The following CREBL2 variants were observed in gnomAD, a reference collection of about 807,000 sequenced individuals.
The protein encoded by CREBL2 is cAMP responsive element binding protein like 2.
A neutral mutation model predicts 19.5 loss-of-function variants in CREBL2; 4 were observed. That is an observed-to-expected ratio of 0.20 (90% CI 0.10 to 0.47). The LOEUF is 0.47. Among genes scored for constraint, CREBL2 ranks in the 20% least tolerant of loss-of-function variants. CREBL2 has a pLI of 0.98. For synonymous variants in CREBL2, 42 were observed against 46.6 expected (o/e 0.90, Z 0.40); for missense variants, 85 against 145.1 (o/e 0.59, Z 2.13).
Position 12,619,528 on chromosome 12 carries a change from A to C in CREBL2, c.15+7341A>C, listed in dbSNP as rs563771310. Among the ~76,000 whole-genome samples, 42 of 152,282 alleles carry C rather than the reference A, an allele frequency of 2.8e-4. 2 individuals carry two copies. The South Asian group carries it at 8.1e-3, about 29-fold the overall frequency. On this transcript the variant is annotated intron_variant, in intron 1 of 3. Transcript: ENST00000228865. ...AGGGAGGCTGAGGCACAAGAATTGC[A>C]TAAGCCCAGGAGGTGGAGGTTGCTG...
At chr12:12,636,019 C>A in intron 2 of CREBL2, 45 bp downstream of exon 2, 2 of 1,516,940 alleles carry the variant, frequency 1.3e-6, no homozygotes, top group South Asian at 2.4e-5. Context: ...CCTTAACAGT[C>A]AAATAAATAA....
Position 12,612,124 on chromosome 12 carries a change from G to A in CREBL2, c.-49G>A. On this transcript the variant is annotated 5_prime_UTR_variant, in exon 1 of 4. Transcript: ENST00000228865. ...GGCCGGGCCAGGCCGGCTGAGCCGGGGGAGGGCTCCGGGAGGGAGTGCCTG... is the reference window on the plus strand; with the variant it reads ...GGCCGGGCCAGGCCGGCTGAGCCGGAGGAGGGCTCCGGGAGGGAGTGCCTG... 1 of 1,606,274 alleles carries A rather than the reference G, an allele frequency of 6.2e-7. No individual in the cohort carries two copies. The highest frequency in any genetic ancestry group is 8.5e-7 in the Non-Finnish European group (1 of 1,178,000).
intron 3 of CREBL2, 69 bp from the exon 4 acceptor site, chr12:12,641,925 C>A: frequency 8.3e-7 from 1 of 1,200,008 alleles, no homozygotes; most frequent in Non-Finnish European, 1.2e-6. Context: ...ATTTATGCAT[C>A]TTAAAACAGA....
At chr12:12,638,845 A>G (rs1263356723) in intron 3 of CREBL2, among the ~76,000 whole-genome samples, 1 of 152,190 alleles carries the variant, frequency 6.6e-6, no homozygotes, top group Admixed American at 6.6e-5. Context: ...AAATTCACAT[A>G]ACATAAAAAT....
intron 1 of CREBL2, among the ~76,000 whole-genome samples, chr12:12,634,562 T>C (rs1409216121): frequency 6.6e-6 from 1 of 152,216 alleles, no homozygotes; most frequent in Non-Finnish European, 1.5e-5. Flanking sequence ...TATTTTATTA[T>C]CTAATTTGAA....
chr12:12,640,385 A>G (rs145726948), intron 3 of CREBL2, among the ~76,000 whole-genome samples: 1,530 of 152,332 alleles, frequency 0.01, 21 homozygotes, highest in African/African-American at 0.035. Context: ...TCTCTGCAAG[A>G]AGAGAAATAT....
Position 12,611,884 on chromosome 12 carries a change from C to G in CREBL2, c.-289C>G. The G allele has an allele frequency of 2.0e-6, 1 of 505,584 alleles. No individual in the cohort carries two copies. The highest frequency in any genetic ancestry group is 3.5e-6 in the Non-Finnish European group (1 of 285,362). 31.3% of individuals were successfully genotyped at this position (505,584 alleles called of 1,614,324 possible). On this transcript the variant is annotated 5_prime_UTR_variant, in exon 1 of 4. Transcript: ENST00000228865. Reference sequence around the variant, plus strand: ...GCTCCCGCCCACCCTCCGGTCTCGGCGGCTCTCCAGAGCGTCTGTAAACAC... The same window carrying G: ...GCTCCCGCCCACCCTCCGGTCTCGGGGGCTCTCCAGAGCGTCTGTAAACAC...
intron 1 of CREBL2, chr12:12,615,784 A>C (rs1945307240): frequency 6.6e-6 from 1 of 152,308 alleles, no homozygotes; most frequent in African/African-American, 2.4e-5. Context: ...GAGCCACCGC[A>C]CCTGGCTACA....
At chr12:12,636,723 G>A (rs986635930) in intron 2 of CREBL2, among the ~76,000 whole-genome samples, 12 of 152,152 alleles carry the variant, frequency 7.9e-5, no homozygotes, top group African/African-American at 2.7e-4. Context: ...ACCCAGCCAA[G>A]TGATTTTGTT....
At chr12:12,636,042 C>T (rs545102932) in intron 2 of CREBL2, 68 bp downstream of exon 2, 19 of 1,382,908 alleles carry the variant, frequency 1.4e-5, no homozygotes, top group Middle Eastern at 2.5e-4. Flanking sequence ...CATTAAAATA[C>T]GAAAATACCA....
At chr12:12,634,574 A>G (rs375412308) in intron 1 of CREBL2, among the ~76,000 whole-genome samples, 15 of 152,326 alleles carry the variant, frequency 9.8e-5, no homozygotes, top group African/African-American at 3.4e-4. Context: ...TAATTTGAAA[A>G]TCATAAAAAT....
At chr12:12,634,189 G>A (rs1021421384) in intron 1 of CREBL2, among the ~76,000 whole-genome samples, 2 of 152,128 alleles carry the variant, frequency 1.3e-5, no homozygotes, top group Admixed American at 1.3e-4. Flanking sequence ...CCCTTTCAAG[G>A]TGACTGCATT....
chr12:12,618,462 C>A (rs1945332230), intron 1 of CREBL2, among the ~76,000 whole-genome samples: 1 of 151,680 alleles, frequency 6.6e-6, no homozygotes. Flanking sequence ...CTCCCCACAT[C>A]TCAGACGTTG....
rs762448549 is a variant in CREBL2 at position 12,641,995 on chromosome 12, G to T, written c.360G>T (p.Trp120Cys). 7 of 1,555,268 alleles carry T rather than the reference G, an allele frequency of 4.5e-6. No homozygotes were observed. The highest frequency in any genetic ancestry group is 1.1e-5 in the South Asian group (1 of 87,604). The stretch of plus-strand genomic sequence containing the variant: ...ACATTGGTAACTTTTATTTTTCAGG[G>T]TGAAGATTATATAAAGATGAGTCAG... ...AGKTDANSNS[W>C] The change falls in exon 4 of 4, where the codon TGG becomes TGT. Residue 120 changes from tryptophan to cysteine, a missense_variant and splice_region_variant. This residue lies in a region of CREBL2 where 42 missense variants were observed against 38.4 expected (regional missense o/e 1.09). Coordinates refer to ENST00000228865, the MANE Select transcript of CREBL2 (RefSeq NM_001310.4).
At chr12:12,625,423 C>T (rs10743995) in intron 1 of CREBL2, among the ~76,000 whole-genome samples, 144,388 of 152,280 alleles carry the variant, frequency 0.95, 68,469 homozygotes, top group Non-Finnish European at 0.96. Flanking sequence ...CTCCTCAGCA[C>T]ACCCCTTAAC....
Position 12,617,643 on chromosome 12 carries a change from C to CTTTTTTTTTTTTTT in CREBL2, c.15+5481_15+5494dup, listed in dbSNP as rs66943066. ...CCCTGAGATGCTCATTTTAGTAATTCTTTTTTTTTTTTTTTTTTTTTTTTT... is the reference window on the plus strand; with the variant it reads ...CCCTGAGATGCTCATTTTAGTAATTCTTTTTTTTTTTTTTTTTTTTTTTTTTTTTTTTTTTTTTT... On this transcript the variant is annotated intron_variant, in intron 1 of 3. Coordinates refer to ENST00000228865, the MANE Select transcript of CREBL2 (RefSeq NM_001310.4). 2.3e-4 allele frequency among the ~76,000 whole-genome samples: 9 copies of CTTTTTTTTTTTTTT among 38,770 alleles called. 1 individual carries two copies. Among genetic ancestry groups the CTTTTTTTTTTTTTT allele is most frequent in the Non-Finnish European group, 4.3e-4 (8 of 18,572 alleles). 25.4% of individuals were successfully genotyped at this position (38,770 alleles called of 152,430 possible). A position where few individuals can be genotyped will look rare whatever the true frequency, so the allele number is the denominator to read the frequency against.
intron 1 of CREBL2, among the ~76,000 whole-genome samples, chr12:12,617,643 C>CTTTT (rs66943066): frequency 1.0e-4 from 4 of 38,764 alleles, no homozygotes; most frequent in Non-Finnish European, 2.2e-4. Context: ...TTTAGTAATT[C>CTTTT]TTTTTTTTTT....
rs1945549209 is a variant in CREBL2 at position 12,644,417 on chromosome 12, G to A, written c.*2419G>A. ...TGACAAGATGGCTGACAGTCACGGAGTCCAGGAGAAGGTGCTGCTCTCCTT... is the reference window on the plus strand; with the variant it reads ...TGACAAGATGGCTGACAGTCACGGAATCCAGGAGAAGGTGCTGCTCTCCTT... On this transcript the variant is annotated 3_prime_UTR_variant, in exon 4 of 4. Coordinates refer to ENST00000228865, the MANE Select transcript of CREBL2 (RefSeq NM_001310.4). 1 of 152,520 alleles carries A rather than the reference G, an allele frequency of 6.6e-6. No homozygotes were observed. Among genetic ancestry groups the A allele is most frequent in the Non-Finnish European group, 1.5e-5 (1 of 68,016 alleles). The allele number at this position is 152,520 out of a possible 1,614,324, so 9.4% of individuals were successfully genotyped here.
Position 12,642,706 on chromosome 12 carries a change from ATATT to A in CREBL2, c.*712_*715del, listed in dbSNP as rs1469971366. The A allele has an allele frequency of 2.6e-5, 4 of 152,196 alleles. No individual in the cohort carries two copies. Among genetic ancestry groups the A allele is most frequent in the Non-Finnish European group, 5.9e-5 (4 of 68,028 alleles). 9.4% of individuals were successfully genotyped at this position (152,196 alleles called of 1,614,324 possible). ...ACCTTTGTTGCTGTCCTCTCAAACT[ATATT>A]TATAAAAATTTGCTAGGGCCAAATC... On this transcript the variant is annotated 3_prime_UTR_variant, in exon 4 of 4. Coordinates refer to ENST00000228865, the MANE Select transcript of CREBL2 (RefSeq NM_001310.4).
Sources: allele counts gnomAD v4.1 joint callset (sites outside exome capture counted in the v4.1 genomes callset), GRCh38; gene constraint gnomAD v4.1.1; regional missense constraint gnomAD v4.1.1; transcripts MANE v1.5; gene names NCBI Gene and HGNC (gene_info 2026-07-23, HGNC 2026-07-21).